FBXO31: variants seen among roughly 807,000 people sequenced by gnomAD.
FBXO31 encodes F-box protein 31, also known as F-box only protein 31.
In FBXO31, 24 loss-of-function variants were observed where a neutral mutation model predicts 54.4. The ratio of observed to expected loss-of-function variants is 0.44; its 90% CI spans 0.32 to 0.62. The LOEUF is 0.62. Ranked by LOEUF, FBXO31 falls within the 20% of genes least tolerant of loss-of-function variation. The pLI, the probability that FBXO31 is intolerant of heterozygous loss-of-function variation, is 0.05. For synonymous variants in FBXO31, 388 were observed against 335.6 expected, an observed-to-expected ratio of 1.16 and a Z score of -1.71; for missense variants, 665 against 787.1, an observed-to-expected ratio of 0.84 and a Z score of 1.86.
upstream of FBXO31, among the ~76,000 whole-genome samples, chr16:87,384,836 G>C (rs1907269703): frequency 6.6e-6 from 1 of 152,154 alleles, no homozygotes; most frequent in Non-Finnish European, 1.5e-5. Context: ...CTTCAGCCTG[G>C]GCAACACAGC....
At chr16:87,339,464 T>C (rs1006659184) in intron 5 of FBXO31, among the ~76,000 whole-genome samples, 1 of 152,112 alleles carries the variant, frequency 6.6e-6, no homozygotes, top group African/African-American at 2.4e-5. Flanking sequence ...TGGGAGCAGG[T>C]GACAAGCCCC....
chr16:87,352,453 C>CAA (rs111624539), intron 2 of FBXO31, among the ~76,000 whole-genome samples: 2 of 148,790 alleles, frequency 1.3e-5, no homozygotes, highest in Non-Finnish European at 3.0e-5. Flanking sequence ...ATAACATAAC[C>CAA]AAAAAAAAAA....
upstream of FBXO31, among the ~76,000 whole-genome samples, chr16:87,386,929 AAGAC>A (rs1216711744): frequency 6.6e-6 from 1 of 152,160 alleles, no homozygotes; most frequent in Non-Finnish European, 1.5e-5. Flanking sequence ...AGAGGGACAA[AAGAC>A]AGACAGCAAG....
At chr16:87,385,697 T>C (rs1907305254), upstream of FBXO31, among the ~76,000 whole-genome samples, 1 of 151,882 alleles carries the variant, frequency 6.6e-6, no homozygotes. Context: ...GAACACTTGA[T>C]GGGAGAATGT....
Position 87,383,512 on chromosome 16 carries a change from A to G in FBXO31, c.233T>C (p.Ile78Thr). 1 of 1,585,848 alleles carries G rather than the reference A, an allele frequency of 6.3e-7. No homozygotes were observed. Among genetic ancestry groups the G allele is most frequent in the Non-Finnish European group, 8.5e-7 (1 of 1,170,102 alleles). ...LELPPELLVE[I>T]FASLPGTDLP... ...GTCCGTGCCCGGCAGCGACGCGAAG[A>G]TCTCCACCAGCAGCTCGGGCGGCAG... is the stretch of plus-strand genomic sequence containing the variant. The change falls in exon 1 of 9, where the codon ATC (isoleucine) becomes ACC (threonine). Residue 78 changes from isoleucine (I) to threonine (T), a missense_variant. By Grantham distance (89) the Ile-to-Thr change is moderately conservative (BLOSUM62 -1). This residue lies in a region of FBXO31 where 195 missense variants were observed against 174.8 expected (regional missense o/e 1.12). Transcript: ENST00000311635. This position sits in a 1 kb window ranked among gnomAD's most constrained non-coding sequence, Gnocchi z 4.9.
At chr16:87,388,158 G>C (rs1425245499), upstream of FBXO31, among the ~76,000 whole-genome samples, 1 of 152,180 alleles carries the variant, frequency 6.6e-6, no homozygotes. Flanking sequence ...GCTGCGGGTC[G>C]CGTGACTGAT....
rs1033334931 is a variant in FBXO31 at position 87,330,884 on chromosome 16, T to A, written c.*404A>T. ...AAAGGAGTGGGGTGGAGCACATGCG[T>A]CTCACACACGACCCAGTCTATCACT... is the stretch of plus-strand genomic sequence containing the variant. On this transcript the variant is annotated 3_prime_UTR_variant, in exon 9 of 9. Coordinates refer to ENST00000311635, the MANE Select transcript of FBXO31 (RefSeq NM_024735.5). 8.2e-5 allele frequency: 17 copies of A among 206,218 alleles called. No homozygotes were observed. The highest frequency in any genetic ancestry group is 1.5e-4 in the Non-Finnish European group (15 of 100,364). 12.8% of individuals were successfully genotyped at this position (206,218 alleles called of 1,614,324 possible).
At chr16:87,380,454 T>G (rs1907028695) in intron 1 of FBXO31, among the ~76,000 whole-genome samples, 1 of 152,032 alleles carries the variant, frequency 6.6e-6, no homozygotes, top group Non-Finnish European at 1.5e-5. Context: ...CGGACTGGAG[T>G]GCAGTAGCAT....
intron 5 of FBXO31, 50 bp downstream of exon 5, chr16:87,342,827 G>A (rs1478388577): frequency 2.0e-6 from 3 of 1,504,026 alleles, no homozygotes; most frequent in Admixed American, 2.1e-5. Flanking sequence ...TCCCCGTGGG[G>A]AAAGGAAAGG....
At position 87,336,118 on chromosome 16, in the gene FBXO31, G is replaced by A. The variant is rs372176045; in HGVS notation, c.842+37C>T. 4.4e-6 allele frequency: 7 copies of A among 1,575,290 alleles called. No homozygotes were observed. The highest frequency in any genetic ancestry group is 5.2e-6 in the Non-Finnish European group (6 of 1,145,780). On this transcript the variant is annotated intron_variant, in intron 6 of 8. Transcript: ENST00000311635. This position sits in a 1 kb window ranked among gnomAD's most constrained non-coding sequence, Gnocchi z 6.5. ...GGCTGGTCCCCAGCACACACCAGGA[G>A]AGGGCTACCCCAGCACCGAGCAGGA...
intron 1 of FBXO31, 94 bp from the exon 2 acceptor site, chr16:87,360,460 A>G: frequency 9.9e-7 from 1 of 1,009,810 alleles, no homozygotes; most frequent in Non-Finnish European, 1.5e-6. Context: ...GGAGGTGCAC[A>G]CCTAGCCTCA....
intron 2 of FBXO31, 126 bp downstream of exon 2, chr16:87,360,166 TGTG>T: frequency 1.2e-6 from 1 of 808,938 alleles, no homozygotes; most frequent in Non-Finnish European, 2.1e-6. Flanking sequence ...CTATTCAAAA[TGTG>T]ACTGTAAGAT....
intron 1 of FBXO31, among the ~76,000 whole-genome samples, chr16:87,370,715 A>C (rs1305978844): frequency 1.3e-5 from 2 of 152,126 alleles, no homozygotes; most frequent in East Asian, 3.9e-4. Context: ...CCTGGAGCAG[A>C]GTGAAGCCAG....
intron 2 of FBXO31, 56 bp from the exon 3 acceptor site, chr16:87,347,306 G>T: frequency 1.3e-6 from 2 of 1,493,760 alleles, no homozygotes; most frequent in Non-Finnish European, 1.9e-6. Context: ...GCCGCAGGGA[G>T]CCCAGGAACC....
Position 87,335,730 on chromosome 16 carries a change from G to A in FBXO31, c.843-273C>T, listed in dbSNP as rs1441128018. On this transcript the variant is annotated intron_variant, in intron 6 of 8. Transcript: ENST00000311635. The surrounding 1 kb of genome is among the most constrained non-coding windows in gnomAD (Gnocchi z 5.7). Reference sequence around the variant, plus strand: ...CTTTAGGTGGGAGGGAAAAGGAAGTGCCAGTTTGCTCCATTACCCAGGAGA... The same window carrying A: ...CTTTAGGTGGGAGGGAAAAGGAAGTACCAGTTTGCTCCATTACCCAGGAGA... 1.3e-5 allele frequency among the ~76,000 whole-genome samples: 2 copies of A among 152,186 alleles called. No homozygotes were observed. Among genetic ancestry groups the A allele is most frequent in the African/African-American group, 2.4e-5 (1 of 41,446 alleles).
Position 87,336,787 on chromosome 16 carries a change from A to G in FBXO31, c.733-523T>C, listed in dbSNP as rs891352972. On this transcript the variant is annotated intron_variant, in intron 5 of 8. Coordinates refer to ENST00000311635, the MANE Select transcript of FBXO31 (RefSeq NM_024735.5). The surrounding 1 kb of genome is among the most constrained non-coding windows in gnomAD (Gnocchi z 6.5). Reference sequence around the variant, plus strand: ...TGGGTGGATTTTCCTTTTTCAAAGGAAAAGCAGGTATGTTAAGGCGGTTCC... The same window carrying G: ...TGGGTGGATTTTCCTTTTTCAAAGGGAAAGCAGGTATGTTAAGGCGGTTCC... Among the ~76,000 whole-genome samples, 1 of 152,166 alleles carries G rather than the reference A, an allele frequency of 6.6e-6. No homozygotes were observed. The highest frequency in any genetic ancestry group is 1.5e-5 in the Non-Finnish European group (1 of 68,020).
In FBXO31 at chr16:87,379,750, G is replaced by A. The variant is rs143793181; in HGVS notation, c.340+3655C>T. ...TTACAGACGCCCACCACCACACCCA[G>A]CTAATTTTTGAATTTTTAGTAGAGA... On this transcript the variant is annotated intron_variant, in intron 1 of 8. Coordinates refer to ENST00000311635, the MANE Select transcript of FBXO31 (RefSeq NM_024735.5). 6.7e-3 allele frequency among the ~76,000 whole-genome samples: 1,020 copies of A among 151,910 alleles called. 9 individuals are homozygous for A. The highest frequency in any genetic ancestry group is 0.028 in the South Asian group (132 of 4,800).
chr16:87,386,901 G>A (rs1354903948), upstream of FBXO31, among the ~76,000 whole-genome samples: 2 of 152,158 alleles, frequency 1.3e-5, no homozygotes, highest in African/African-American at 4.8e-5. Flanking sequence ...AATAACCAAG[G>A]ATGAAAAGCA....
intron 1 of FBXO31, among the ~76,000 whole-genome samples, chr16:87,382,527 T>C (rs1254936767): frequency 1.3e-5 from 2 of 152,202 alleles, no homozygotes; most frequent in Non-Finnish European, 2.9e-5. Context: ...ACATCCAATA[T>C]TGCTGAAGGC....
Sources: allele counts gnomAD v4.1 joint callset (sites outside exome capture counted in the v4.1 genomes callset), GRCh38; gene constraint gnomAD v4.1.1; regional missense constraint gnomAD v4.1.1; non-coding constraint Gnocchi (gnomAD v3.1); transcripts MANE v1.5; gene names NCBI Gene and HGNC (gene_info 2026-07-23, HGNC 2026-07-21).